PTPRN2: variants seen among roughly 807,000 people sequenced by gnomAD.
The protein encoded by PTPRN2 is protein tyrosine phosphatase receptor type N2.
In PTPRN2, 74 loss-of-function variants were observed where a neutral mutation model predicts 118.8. The ratio of observed to expected loss-of-function variants is 0.62; its 90% CI spans 0.52 to 0.76. The LOEUF is 0.76. Ranked by LOEUF, PTPRN2 falls within the 30% of genes least tolerant of loss-of-function variation. The pLI, the probability that PTPRN2 is intolerant of heterozygous loss-of-function variation, is 0.00. For missense variants in PTPRN2, 1,481 were observed against 1,394.4 expected, an observed-to-expected ratio of 1.06 and a Z score of -0.99; for synonymous variants, 641 against 608.0, an observed-to-expected ratio of 1.05 and a Z score of -0.80.
intron 17 of PTPRN2, among the ~76,000 whole-genome samples, chr7:157,581,116 C>T (rs948969302): frequency 2.6e-4 from 39 of 151,292 alleles, no homozygotes; most frequent in Non-Finnish European, 2.5e-4. Context: ...CACACCCGAG[C>T]ACCTGGACAC....
intron 3 of PTPRN2, among the ~76,000 whole-genome samples, chr7:158,244,059 G>A (rs1040448089): frequency 6.6e-6 from 1 of 152,080 alleles, no homozygotes; most frequent in Non-Finnish European, 1.5e-5. Flanking sequence ...ATCACTTCCT[G>A]TCCTCCCTCC....
At chr7:158,506,709 C>T (rs971861165) in intron 1 of PTPRN2, among the ~76,000 whole-genome samples, 2 of 152,022 alleles carry the variant, frequency 1.3e-5, no homozygotes, top group African/African-American at 4.8e-5. Context: ...GATCCTCCCC[C>T]AACCCCACCT....
chr7:158,403,687 T>C (rs543347598), intron 2 of PTPRN2, among the ~76,000 whole-genome samples: 406 of 152,226 alleles, frequency 2.7e-3, no homozygotes, highest in African/African-American at 9.1e-3. Flanking sequence ...TGCGAGTGCC[T>C]GGGGTCTGAG....
At chr7:158,160,135 G>T (rs1822226726) in intron 6 of PTPRN2, among the ~76,000 whole-genome samples, 1 of 152,188 alleles carries the variant, frequency 6.6e-6, no homozygotes, top group Admixed American at 6.5e-5. Flanking sequence ...AGTTGACAAG[G>T]GGTGAAACTG....
In PTPRN2 at chr7:157,603,936, C is replaced by G. The variant is rs1246747285; in HGVS notation, c.2418+66G>C. On this transcript the variant is annotated intron_variant, in intron 16 of 22. Coordinates refer to ENST00000389418, the MANE Select transcript of PTPRN2 (RefSeq NM_002847.5). The surrounding 1 kb of genome is among the most constrained non-coding windows in gnomAD (Gnocchi z 5.4). The stretch of plus-strand genomic sequence containing the variant: ...GTGATTTCCCCCGAGAACCTTCCCA[C>G]GTGATTTGCCGCGTCCGTGCCACCC... 1 of 1,463,048 alleles carries G rather than the reference C, an allele frequency of 6.8e-7. No homozygotes were observed. The highest frequency in any genetic ancestry group is 9.5e-7 in the Non-Finnish European group (1 of 1,047,596). The allele number at this position is 1,463,048 out of a possible 1,614,324, so 90.6% of individuals were successfully genotyped here.
Position 157,627,811 on chromosome 7 carries a change from A to G in PTPRN2, c.2197-6302T>C, listed in dbSNP as rs1471738204. On this transcript the variant is annotated intron_variant, in intron 14 of 22. Transcript: ENST00000389418. The surrounding 1 kb of genome is among the most constrained non-coding windows in gnomAD (Gnocchi z 4.2). The stretch of plus-strand genomic sequence containing the variant: ...AGTGGGTTTCCCAAGGGTGTTGCCA[A>G]CATTCACTATCTGACGTAGATCCCA... Among the ~76,000 whole-genome samples the G allele has an allele frequency of 6.6e-6, 1 of 152,196 alleles. No individual in the cohort carries two copies. Among genetic ancestry groups the G allele is most frequent in the Non-Finnish European group, 1.5e-5 (1 of 68,044 alleles).
intron 2 of PTPRN2, among the ~76,000 whole-genome samples, chr7:158,373,266 C>T (rs910328576): frequency 6.6e-6 from 1 of 152,222 alleles, no homozygotes; most frequent in Non-Finnish European, 1.5e-5. Flanking sequence ...CCTCGGGGCC[C>T]GGCCTATTCT....
chr7:158,088,064 A>T lies in PTPRN2; in HGVS notation c.1644-6687T>A, dbSNP rs200700822. ...TCCCCTGATGAAGGAGGGAGTCTTC[A>T]CACAAACCTTCTTCCCCTGATGAAA... On this transcript the variant is annotated intron_variant, in intron 10 of 22. Transcript: ENST00000389418. Among the ~76,000 whole-genome samples, 87 of 53,812 alleles carry T rather than the reference A, an allele frequency of 1.6e-3. 4 individuals carry two copies. Among genetic ancestry groups the T allele is most frequent in the Non-Finnish European group, 2.2e-3 (36 of 16,490 alleles). The allele number at this position is 53,812 out of a possible 152,430, so 35.3% of individuals were successfully genotyped here. A position where few individuals can be genotyped will look rare whatever the true frequency, so the allele number is the denominator to read the frequency against.
rs981327644 is a variant in PTPRN2, at chr7:158,563,651, C to A, written c.112+23907G>T. Among the ~76,000 whole-genome samples the A allele has an allele frequency of 6.6e-6, 1 of 152,232 alleles. No individual in the cohort carries two copies. Among genetic ancestry groups the A allele is most frequent in the African/African-American group, 2.4e-5 (1 of 41,458 alleles). ...TCTGAACATCCTTGTTAGCTCAGGGCACACCCTCTGCAGAGACTCACAGGC... is the reference window on the plus strand; with the variant it reads ...TCTGAACATCCTTGTTAGCTCAGGGAACACCCTCTGCAGAGACTCACAGGC... On this transcript the variant is annotated intron_variant, in intron 1 of 22. Transcript: ENST00000389418. This position sits in a 1 kb window ranked among gnomAD's most constrained non-coding sequence, Gnocchi z 5.1.
In PTPRN2 at chr7:157,974,296, C is replaced by T. The variant is rs549102372; in HGVS notation, c.1724-75559G>A. Among the ~76,000 whole-genome samples, 25 of 152,216 alleles carry T rather than the reference C, an allele frequency of 1.6e-4. No individual in the cohort carries two copies. The highest frequency in any genetic ancestry group is 2.6e-4 in the Admixed American group (4 of 15,286). ...ACGGTGTCAATGGTGCCACTCCAGC[C>T]GGGCCACCCTGCCCACAAGGTCTTC... On this transcript the variant is annotated intron_variant, in intron 11 of 22. Coordinates refer to ENST00000389418, the MANE Select transcript of PTPRN2 (RefSeq NM_002847.5). This position sits in a 1 kb window ranked among gnomAD's most constrained non-coding sequence, Gnocchi z 4.0.
At chr7:158,523,778 AGTCTGCCCTGGAGTGGAGTC>A (rs1359601242) in intron 1 of PTPRN2, among the ~76,000 whole-genome samples, 26 of 27,354 alleles carry the variant, frequency 9.5e-4, no homozygotes, top group Admixed American at 2.8e-3. Flanking sequence ...CCTGGAGTGG[AGTCTGCCCTGGAGTGGAGTC>A]GTCTGCCCTG....
At chr7:158,358,431 T>A (rs1172664464) in intron 2 of PTPRN2, among the ~76,000 whole-genome samples, 1 of 152,122 alleles carries the variant, frequency 6.6e-6, no homozygotes, top group Non-Finnish European at 1.5e-5. Flanking sequence ...ATCACAATAT[T>A]CGGCCGACGG....
chr7:157,594,970 T>A (rs972369842), intron 17 of PTPRN2, among the ~76,000 whole-genome samples: 1 of 152,240 alleles, frequency 6.6e-6, no homozygotes, highest in African/African-American at 2.4e-5. Flanking sequence ...TTATCCTCGC[T>A]GTTTTATAAA....
At chr7:158,424,324 G>A (rs1815506784) in intron 2 of PTPRN2, among the ~76,000 whole-genome samples, 1 of 152,226 alleles carries the variant, frequency 6.6e-6, no homozygotes, top group Admixed American at 6.5e-5. Flanking sequence ...TCCCCCAGCT[G>A]TAATGGAATT....
chr7:157,696,734 C>G (rs200721701), intron 12 of PTPRN2, among the ~76,000 whole-genome samples: 1 of 142,120 alleles, frequency 7.0e-6, no homozygotes, highest in Non-Finnish European at 1.5e-5. Flanking sequence ...GAGCCCTCAC[C>G]GTCTACCCAT....
intron 12 of PTPRN2, among the ~76,000 whole-genome samples, chr7:157,768,048 C>T (rs768880921): frequency 5.3e-5 from 8 of 152,058 alleles, no homozygotes; most frequent in African/African-American, 1.7e-4. Context: ...TGCAGTGTGG[C>T]GACTAATATT....
At chr7:157,730,717 G>A (rs926247450) in intron 12 of PTPRN2, among the ~76,000 whole-genome samples, 1 of 152,152 alleles carries the variant, frequency 6.6e-6, no homozygotes, top group African/African-American at 2.4e-5. Context: ...AACAGTGCAC[G>A]GCCCGCCTAG....
intron 10 of PTPRN2, among the ~76,000 whole-genome samples, chr7:158,087,200 C>T (rs1813490907): frequency 6.6e-6 from 1 of 152,214 alleles, no homozygotes; most frequent in Non-Finnish European, 1.5e-5. Flanking sequence ...TTGACTATGG[C>T]TTGTGTGGGT....
chr7:158,026,306 G>A (rs4716883), intron 11 of PTPRN2, among the ~76,000 whole-genome samples: 124,029 of 152,124 alleles, frequency 0.82, 51,112 homozygotes, highest in Non-Finnish European at 0.89. Flanking sequence ...TTTGTGCAAA[G>A]ATTCAGGAGG....
Sources: allele counts gnomAD v4.1 joint callset (sites outside exome capture counted in the v4.1 genomes callset), GRCh38; gene constraint gnomAD v4.1.1; non-coding constraint Gnocchi (gnomAD v3.1); transcripts MANE v1.5; gene names NCBI Gene and HGNC (gene_info 2026-07-23, HGNC 2026-07-21).